Variants in ZBBX observed in about 807,000 individuals in gnomAD.
ZBBX encodes zinc finger B-box domain containing, also known as zinc finger B-box domain-containing protein 1.
A neutral mutation model predicts 108.5 loss-of-function variants in ZBBX; 101 were observed. The observed-to-expected ratio is 0.93, with a 90% confidence interval of 0.79 to 1.10. The LOEUF is 1.10. Among genes scored for constraint, ZBBX ranks in the 50% least tolerant of loss-of-function variants. ZBBX has a pLI of 0.00. For missense variants in ZBBX, 1,009 were observed against 941.4 expected (o/e 1.07, Z -0.94); for synonymous variants, 356 against 323.4 (o/e 1.10, Z -1.08).
chr3:167,294,105 A>G (rs1469821000), intron 18 of ZBBX, among the ~76,000 whole-genome samples: 1 of 152,232 alleles, frequency 6.6e-6, no homozygotes, highest in East Asian at 1.9e-4. Context: ...AATATCATGA[A>G]AATTGTCCTA....
At chr3:167,388,346 G>T (rs1251538599) in intron 1 of ZBBX, among the ~76,000 whole-genome samples, 1 of 151,776 alleles carries the variant, frequency 6.6e-6, no homozygotes, top group East Asian at 1.9e-4. Context: ...CAAAATAAGG[G>T]GTTTGCATCC....
chr3:167,262,253 G>A (rs1310961926), intron 20 of ZBBX, among the ~76,000 whole-genome samples: 4 of 152,156 alleles, frequency 2.6e-5, no homozygotes, highest in African/African-American at 9.7e-5. Flanking sequence ...GCTTTCTTCA[G>A]AGGGTCTGTG....
At chr3:167,215,313 T>C in the ZBBX span, among the ~76,000 whole-genome samples, 2 of 151,812 alleles carry the variant, frequency 1.3e-5, no homozygotes, top group Non-Finnish European at 2.9e-5. Context: ...ACTGACCCCA[T>C]AGAAATAAAA....
the ZBBX span, among the ~76,000 whole-genome samples, chr3:167,199,242 G>C: frequency 6.6e-6 from 1 of 152,144 alleles, no homozygotes; most frequent in East Asian, 1.9e-4. Context: ...ACCACTGAAA[G>C]CTGATGAATT....
intron 8 of ZBBX, among the ~76,000 whole-genome samples, chr3:167,352,730 A>T (rs567096117): frequency 4.6e-5 from 7 of 152,092 alleles, no homozygotes; most frequent in South Asian, 4.1e-4. Context: ...TCAAAAAAAA[A>T]AAAAGCTAGC....
chr3:167,201,360 G>GT, the ZBBX span, among the ~76,000 whole-genome samples: 1 of 152,002 alleles, frequency 6.6e-6, no homozygotes, highest in Non-Finnish European at 1.5e-5. Context: ...TAGCCAAGAA[G>GT]TTTTTTTATT....
chr3:167,337,671 T>C (rs113906930), intron 9 of ZBBX, among the ~76,000 whole-genome samples: 1,954 of 152,252 alleles, frequency 0.013, 30 homozygotes, highest in African/African-American at 0.043. Flanking sequence ...CTTTGTCTTT[T>C]CTTAAATGGG....
chr3:167,404,545 C>CACTCT (rs55688027), intron 1 of ZBBX, among the ~76,000 whole-genome samples: 6 of 151,972 alleles, frequency 3.9e-5, no homozygotes, highest in African/African-American at 9.7e-5. Flanking sequence ...CCCACTCTCC[C>CACTCT]CCTTTCTCCA....
At chr3:167,209,010 A>G in the ZBBX span, among the ~76,000 whole-genome samples, 1 of 152,120 alleles carries the variant, frequency 6.6e-6, no homozygotes, top group Non-Finnish European at 1.5e-5. Flanking sequence ...TTGAGTTAAC[A>G]TAGGTAGTAA....
intron 19 of ZBBX, among the ~76,000 whole-genome samples, chr3:167,284,302 C>A (rs561521239): frequency 6.6e-6 from 1 of 151,600 alleles, no homozygotes; most frequent in African/African-American, 2.4e-5. Context: ...CAATCAAGAA[C>A]CAAACTCTCC....
intron 8 of ZBBX, among the ~76,000 whole-genome samples, chr3:167,356,278 C>T (rs990638764): frequency 2.0e-5 from 3 of 151,850 alleles, no homozygotes; most frequent in African/African-American, 4.8e-5. Context: ...TAAATTACTG[C>T]CAAACATCAT....
the ZBBX span, among the ~76,000 whole-genome samples, chr3:167,194,908 G>A: frequency 9.9e-5 from 15 of 152,156 alleles, no homozygotes; most frequent in Admixed American, 8.5e-4. Flanking sequence ...TCTCTTTCAG[G>A]AGCACCAGGA....
the ZBBX span, among the ~76,000 whole-genome samples, chr3:167,206,306 G>A: frequency 6.6e-6 from 1 of 151,846 alleles, no homozygotes; most frequent in Non-Finnish European, 1.5e-5. Context: ...ATCACAAATG[G>A]CAGTATCTCC....
intron 20 of ZBBX, chr3:167,252,355 G>C (rs570010903): frequency 2.3e-6 from 1 of 428,286 alleles, no homozygotes; most frequent in Non-Finnish European, 4.1e-6. Flanking sequence ...AGTTTTTCCA[G>C]ACTGCACCCT....
Position 167,388,156 on chromosome 3 carries a change from G to A in ZBBX, c.-445-7751C>T, listed in dbSNP as rs886782291. ...GAATAGTCACAGAAAACCTCTCTGA[G>A]CAACATTTGCAAAGAGCCACGTTAA... On this transcript the variant is annotated intron_variant, in intron 1 of 21. Transcript: ENST00000455345. 3.9e-5 allele frequency among the ~76,000 whole-genome samples: 6 copies of A among 151,930 alleles called. No homozygotes were observed. The East Asian group carries it at 9.7e-4, about 25-fold the overall frequency.
chr3:167,296,241 G>C lies in ZBBX; in HGVS notation c.1879+2064C>G, dbSNP rs144733066. On this transcript the variant is annotated intron_variant, in intron 18 of 21. Transcript: ENST00000675490. ...AACAACCAACAAACTAGGAATAAAAGGGAAATGCCTCTACACAATAAAAGT... is the reference window on the plus strand; with the variant it reads ...AACAACCAACAAACTAGGAATAAAACGGAAATGCCTCTACACAATAAAAGT... Among the ~76,000 whole-genome samples the C allele has an allele frequency of 2.6e-5, 4 of 152,058 alleles. No homozygotes were observed. The East Asian group carries it at 7.8e-4, about 29-fold the overall frequency.
Position 167,368,543 on chromosome 3 carries a change from G to A in ZBBX, c.100C>T (p.Gln34Ter). 3 of 1,610,470 alleles carry A rather than the reference G, an allele frequency of 1.9e-6. No individual in the cohort carries two copies. The highest frequency in any genetic ancestry group is 2.2e-5 in the South Asian group (2 of 90,718). The stretch of plus-strand genomic sequence containing the variant: ...ATCTCTTGGTTCTCAAACTCTAACT[G>A]TACTTTCTCCATTCGCAGTTCTTGA... Reference protein sequence around the residue: ...NAQELRMEKVQLEFENQEMEK... With the variant: ...NAQELRMEKV The change falls in exon 5 of 22, where the codon CAG becomes TAG. Residue 34 changes from glutamine (Q) to a stop codon, truncating the protein, a stop_gained. Transcript: ENST00000675490. LOFTEE classifies it high-confidence loss of function.
intron 20 of ZBBX, among the ~76,000 whole-genome samples, chr3:167,247,545 A>G (rs528430879): frequency 6.6e-6 from 1 of 152,300 alleles, no homozygotes; most frequent in African/African-American, 2.4e-5. Context: ...GACAAGCTAG[A>G]GGGTCTAATT....
In ZBBX at chr3:167,298,298, A is replaced by C; in HGVS notation, c.1879+7T>G. 1.3e-6 allele frequency: 2 copies of C among 1,585,494 alleles called. No homozygotes were observed. Among genetic ancestry groups the C allele is most frequent in the Non-Finnish European group, 1.7e-6 (2 of 1,167,816 alleles). On this transcript the variant is annotated splice_region_variant and intron_variant, in intron 18 of 21. Coordinates refer to ENST00000675490, the MANE Select transcript of ZBBX (RefSeq NM_001199201.2). ...GACTGTTTTAGAAAAATGAGCTAGAAATTTACCTGCAAGTGTAATCCTAGT... is the reference window on the plus strand; with the variant it reads ...GACTGTTTTAGAAAAATGAGCTAGACATTTACCTGCAAGTGTAATCCTAGT...
Sources: allele counts gnomAD v4.1 joint callset (sites outside exome capture counted in the v4.1 genomes callset), GRCh38; gene constraint gnomAD v4.1.1; transcripts MANE v1.5; gene names NCBI Gene and HGNC (gene_info 2026-07-23, HGNC 2026-07-21).